FRAS1: variants seen among roughly 807,000 people sequenced by gnomAD.
FRAS1 encodes the protein extracellular matrix organizing protein FRAS1.
A neutral mutation model predicts 435.2 loss-of-function variants in FRAS1; 290 were observed. The ratio of observed to expected loss-of-function variants is 0.67; its 90% CI spans 0.61 to 0.73. FRAS1 has a LOEUF of 0.73. Among genes scored for constraint, FRAS1 ranks in the 30% least tolerant of loss-of-function variants. FRAS1 has a pLI of 0.00. For missense variants in FRAS1, 4,860 were observed against 5,001.5 expected, an observed-to-expected ratio of 0.97 and a Z score of 0.85; for synonymous variants, 1,800 against 1,851.0, an observed-to-expected ratio of 0.97 and a Z score of 0.71.
intron 71 of FRAS1, among the ~76,000 whole-genome samples, chr4:78,536,602 G>A (rs142045668): frequency 3.2e-4 from 49 of 152,268 alleles, no homozygotes; most frequent in African/African-American, 1.2e-3. Flanking sequence ...ACTTGGTACA[G>A]TACCTGGAAA....
chr4:78,441,872 C>T (rs1734673388), intron 41 of FRAS1, among the ~76,000 whole-genome samples: 1 of 152,236 alleles, frequency 6.6e-6, no homozygotes. Flanking sequence ...TCCCCTCCAC[C>T]ATCTGCCCTG....
At chr4:78,126,467 C>A (rs1048243595) in intron 2 of FRAS1, among the ~76,000 whole-genome samples, 14 of 152,232 alleles carry the variant, frequency 9.2e-5, no homozygotes, top group African/African-American at 3.4e-4. Context: ...ATGCAGAAAT[C>A]ACCCATCTTC....
intron 2 of FRAS1, among the ~76,000 whole-genome samples, chr4:78,180,115 A>T (rs1272535275): frequency 1.3e-5 from 2 of 152,158 alleles, no homozygotes; most frequent in Non-Finnish European, 2.9e-5. Flanking sequence ...TTCAACAACA[A>T]ATTGAGCATA....
At chr4:78,200,411 A>G (rs946654594) in intron 2 of FRAS1, among the ~76,000 whole-genome samples, 1 of 152,180 alleles carries the variant, frequency 6.6e-6, no homozygotes, top group African/African-American at 2.4e-5. Flanking sequence ...GTCATATGTT[A>G]TTGCTGACAT....
chr4:78,072,615 A>G (rs72654635), intron 2 of FRAS1, among the ~76,000 whole-genome samples: 7,890 of 152,156 alleles, frequency 0.052, 239 homozygotes, highest in East Asian at 0.1. Flanking sequence ...TAATTTCCCT[A>G]AAGGTATTGG....
At chr4:78,085,937 T>G (rs536850249) in intron 2 of FRAS1, among the ~76,000 whole-genome samples, 1 of 152,258 alleles carries the variant, frequency 6.6e-6, no homozygotes, top group East Asian at 1.9e-4. Flanking sequence ...AATAGACACC[T>G]ACAGAACTCT....
intron 38 of FRAS1, among the ~76,000 whole-genome samples, chr4:78,434,038 G>A (rs1048974692): frequency 5.9e-5 from 9 of 152,136 alleles, no homozygotes; most frequent in African/African-American, 2.2e-4. Flanking sequence ...TTTCTCTAAG[G>A]GTTGTAGAAG....
chr4:78,117,664 T>C lies in FRAS1; in HGVS notation c.108+51648T>C, dbSNP rs184867795. ...CATTCATCATGTAGTTCTCGTGCCA[T>C]GGTTTTCAGCTCCATCAGGTCTTTT... is the stretch of plus-strand genomic sequence containing the variant. On this transcript the variant is annotated intron_variant, in intron 2 of 73. Coordinates refer to ENST00000512123, the MANE Select transcript of FRAS1 (RefSeq NM_025074.7). Among the ~76,000 whole-genome samples, 350 of 152,352 alleles carry C rather than the reference T, an allele frequency of 2.3e-3. 1 individual carries two copies. The highest frequency in any genetic ancestry group is 0.01 in the Middle Eastern group (3 of 294).
intron 2 of FRAS1, among the ~76,000 whole-genome samples, chr4:78,082,902 C>T (rs1740959801): frequency 2.0e-5 from 3 of 152,098 alleles, no homozygotes; most frequent in African/African-American, 7.2e-5. Context: ...TTCTCAACAC[C>T]TATACTGATA....
At chr4:78,105,069 A>G (rs550632269) in intron 2 of FRAS1, among the ~76,000 whole-genome samples, 1 of 152,232 alleles carries the variant, frequency 6.6e-6, no homozygotes, top group East Asian at 1.9e-4. Context: ...TTGCTTAGAA[A>G]GCCTGCTGTT....
intron 58 of FRAS1, among the ~76,000 whole-genome samples, chr4:78,486,428 A>G (rs1025067524): frequency 6.6e-6 from 1 of 152,324 alleles, no homozygotes; most frequent in East Asian, 1.9e-4. Context: ...TAAGTGTTCT[A>G]TGAGCAGTGC....
At chr4:78,216,945 CAA>C (rs1270801937) in intron 2 of FRAS1, among the ~76,000 whole-genome samples, 1 of 152,036 alleles carries the variant, frequency 6.6e-6, no homozygotes, top group East Asian at 1.9e-4. Flanking sequence ...AAGACTGGAG[CAA>C]AGTCAGGGGC....
In FRAS1 at chr4:78,194,886, T is replaced by TC. The variant is rs947834269; in HGVS notation, c.109-42620dup. Among the ~76,000 whole-genome samples, 6 of 152,336 alleles carry TC rather than the reference T, an allele frequency of 3.9e-5. No individual in the cohort carries two copies. In the East Asian group the frequency reaches 9.6e-4, roughly 24 times the overall value. On this transcript the variant is annotated intron_variant, in intron 2 of 73. Transcript: ENST00000512123. ...TTTTCTGTTTTTCTGCTCTGTTTTTTCCCCATCTTTGTGGTTTTATCTACC... is the reference window on the plus strand; with the variant it reads ...TTTTCTGTTTTTCTGCTCTGTTTTTTCCCCCATCTTTGTGGTTTTATCTACC...
intron 59 of FRAS1, among the ~76,000 whole-genome samples, chr4:78,490,047 A>AG (rs1720302960): frequency 6.6e-6 from 1 of 151,800 alleles, no homozygotes; most frequent in Non-Finnish European, 1.5e-5. Context: ...AGCAAAGATC[A>AG]GAGAAGACAA....
At chr4:78,330,056 T>A (rs1472648327) in intron 18 of FRAS1, among the ~76,000 whole-genome samples, 2 of 152,198 alleles carry the variant, frequency 1.3e-5, no homozygotes, top group Non-Finnish European at 2.9e-5. Flanking sequence ...AGGGGAGAGA[T>A]GTTGTGGGAA....
chr4:78,404,703 C>G, intron 30 of FRAS1, among the ~76,000 whole-genome samples: 1 of 152,226 alleles, frequency 6.6e-6, no homozygotes, highest in Non-Finnish European at 1.5e-5. Flanking sequence ...GTTACTCTTG[C>G]ATCTGTGTTT....
chr4:78,092,353 AAG>A (rs1280201322), intron 2 of FRAS1, among the ~76,000 whole-genome samples: 1 of 152,184 alleles, frequency 6.6e-6, no homozygotes, highest in Non-Finnish European at 1.5e-5. Context: ...TTACAAAAGA[AAG>A]AGGTTTATTG....
chr4:78,493,933 A>G (rs1395765362), intron 59 of FRAS1, among the ~76,000 whole-genome samples: 2 of 152,182 alleles, frequency 1.3e-5, no homozygotes, highest in Admixed American at 6.5e-5. Flanking sequence ...TCAGTTTCAG[A>G]TGGTTGAGTC....
intron 53 of FRAS1, among the ~76,000 whole-genome samples, chr4:78,475,234 C>T (rs970547277): frequency 1.3e-5 from 2 of 152,208 alleles, no homozygotes. Context: ...ATTCTGCATC[C>T]ACAGCTTCCC....
Sources: allele counts gnomAD v4.1 joint callset (sites outside exome capture counted in the v4.1 genomes callset), GRCh38; gene constraint gnomAD v4.1.1; transcripts MANE v1.5; gene names NCBI Gene and HGNC (gene_info 2026-07-23, HGNC 2026-07-21).